Variants in ADAR observed in about 807,000 individuals in gnomAD.
ADAR encodes the protein adenosine deaminase RNA specific, also known as double-stranded RNA-specific adenosine deaminase.
In ADAR, 41 loss-of-function variants were observed where a neutral mutation model predicts 113.2. The observed-to-expected ratio is 0.36, with a 90% confidence interval of 0.28 to 0.47. ADAR has a LOEUF of 0.47. Ranked by LOEUF, ADAR falls within the 20% of genes least tolerant of loss-of-function variation. The probability of loss-of-function intolerance (pLI) is 1.00; values close to 1 mark genes in which losing one functional copy is unlikely to be tolerated. For missense variants in ADAR, 1,242 were observed against 1,540.9 expected, an observed-to-expected ratio of 0.81 and a Z score of 3.25; for synonymous variants, 605 against 572.6, an observed-to-expected ratio of 1.06 and a Z score of -0.81.
At chr1:154,606,047 C>G in intron 1 of ADAR, 1 of 716,404 alleles carries the variant, frequency 1.4e-6, no homozygotes, top group Non-Finnish European at 1.7e-6. Context: ...GCTCTGTTGC[C>G]AAGCTGGAGT....
intron 6 of ADAR, among the ~76,000 whole-genome samples, chr1:154,592,278 T>G (rs1486357168): frequency 6.6e-6 from 1 of 152,174 alleles, no homozygotes; most frequent in African/African-American, 2.4e-5. Flanking sequence ...GGGGAAGCCC[T>G]TCCCCCTCTC....
rs568976894 is a variant in ADAR, at chr1:154,619,024, C to T, written c.-871+8831G>A. Reference sequence around the variant, plus strand: ...ACTAGTGGGGCAGAGGCAGGAGGATCGCTTGAACCTGGGAAGCAGAGGTTG... The same window carrying T: ...ACTAGTGGGGCAGAGGCAGGAGGATTGCTTGAACCTGGGAAGCAGAGGTTG... On this transcript the variant is annotated intron_variant, in intron 1 of 14. Coordinates refer to the ADAR transcript ENST00000368471. Among the ~76,000 whole-genome samples, 11 of 152,204 alleles carry T rather than the reference C, an allele frequency of 7.2e-5. No individual in the cohort carries two copies. The South Asian group carries it at 1.5e-3, about 20-fold the overall frequency.
chr1:154,606,411 A>G (rs1055561223), intron 1 of ADAR, among the ~76,000 whole-genome samples: 3 of 152,248 alleles, frequency 2.0e-5, no homozygotes, highest in African/African-American at 2.4e-5. Context: ...AATGTTCAAT[A>G]AAACAACAAA....
At chr1:154,624,294 G>A (rs762294648) in intron 1 of ADAR, among the ~76,000 whole-genome samples, 27 of 152,196 alleles carry the variant, frequency 1.8e-4, no homozygotes, top group Non-Finnish European at 2.9e-4. Context: ...GTGGCAAGGG[G>A]TGGTACAGAA....
chr1:154,598,591 C>T lies in ADAR; in HGVS notation c.1602-6G>A, dbSNP rs773500380. ...TGACAACCTGGAATTTAAATCTTGA[C>T]GGAAAGTGATTAGATGTGTGAACAG... On this transcript the variant is annotated splice_polypyrimidine_tract_variant and splice_region_variant and intron_variant, in intron 2 of 14. Coordinates refer to ENST00000368474, the MANE Select transcript of ADAR (RefSeq NM_001111.5). 14 of 1,613,950 alleles carry T rather than the reference C, an allele frequency of 8.7e-6. No individual in the cohort carries two copies. Among genetic ancestry groups the T allele is most frequent in the African/African-American group, 4.0e-5 (3 of 74,900 alleles).
chr1:154,597,731 T>C (rs1697595256), intron 4 of ADAR, 97 bp downstream of exon 4: 2 of 1,519,424 alleles, frequency 1.3e-6, no homozygotes, highest in South Asian at 1.1e-5. Flanking sequence ...ACAGGAGAAA[T>C]TGGTCAATCT....
At chr1:154,605,886 A>G (rs1379293277) in intron 1 of ADAR, 5 of 716,694 alleles carry the variant, frequency 7.0e-6, no homozygotes, top group African/African-American at 1.9e-5. Context: ...GGCTAGAGTC[A>G]GTTAAAAGCT....
At chr1:154,607,655 T>C (rs1242195819) in intron 1 of ADAR, among the ~76,000 whole-genome samples, 1 of 152,130 alleles carries the variant, frequency 6.6e-6, no homozygotes, top group Non-Finnish European at 1.5e-5. Flanking sequence ...ACTGCTCCAT[T>C]CTGCAGAATT....
At chr1:154,593,871 C>T (rs1348388225) in intron 6 of ADAR, among the ~76,000 whole-genome samples, 1 of 151,858 alleles carries the variant, frequency 6.6e-6, no homozygotes, top group Non-Finnish European at 1.5e-5. Flanking sequence ...AATGAAATGC[C>T]ATTACTTCTG....
At chr1:154,613,267 A>G (rs1286678499) in intron 1 of ADAR, among the ~76,000 whole-genome samples, 1 of 144,700 alleles carries the variant, frequency 6.9e-6, no homozygotes, top group East Asian at 2.1e-4. Flanking sequence ...ATTGATGTTA[A>G]TGATCACAAA....
chr1:154,598,623 A>C, intron 2 of ADAR, 38 bp from the exon 3 acceptor site: 1 of 1,602,566 alleles, frequency 6.2e-7, no homozygotes, highest in Non-Finnish European at 8.6e-7. Flanking sequence ...ACAGGAGTCT[A>C]GGTCACTCCT....
chr1:154,613,281 C>CTTTT (rs56126079), intron 1 of ADAR, among the ~76,000 whole-genome samples: 9 of 84,660 alleles, frequency 1.1e-4, no homozygotes, highest in Non-Finnish European at 1.5e-4. Flanking sequence ...TCACAAATGG[C>CTTTT]TTTTTTTTTT....
At chr1:154,621,134 G>T (rs1698781456) in intron 1 of ADAR, among the ~76,000 whole-genome samples, 1 of 152,122 alleles carries the variant, frequency 6.6e-6, no homozygotes, top group South Asian at 2.1e-4. Flanking sequence ...AAAAATATAA[G>T]TACAGTAATA....
chr1:154,593,265 C>G (rs1231575048), intron 6 of ADAR, among the ~76,000 whole-genome samples: 2 of 151,826 alleles, frequency 1.3e-5, no homozygotes, highest in Middle Eastern at 3.2e-3. Context: ...TATTATTGTA[C>G]GAGATAGTTA....
chr1:154,599,628 T>C (rs564210079), intron 2 of ADAR, among the ~76,000 whole-genome samples: 1 of 152,194 alleles, frequency 6.6e-6, no homozygotes, highest in Non-Finnish European at 1.5e-5. Context: ...TAGGTAAACA[T>C]AAAGGTCAGT....
intron 1 of ADAR, among the ~76,000 whole-genome samples, chr1:154,623,864 G>A (rs181579763): frequency 2.6e-4 from 40 of 152,150 alleles, no homozygotes; most frequent in Non-Finnish European, 5.0e-4. Context: ...TTAGCCGGGG[G>A]TAGTGACGGG....
intron 11 of ADAR, 108 bp from the exon 12 acceptor site, chr1:154,586,471 C>T: frequency 8.5e-7 from 1 of 1,172,386 alleles, no homozygotes; most frequent in South Asian, 1.3e-5. Flanking sequence ...TTCATTCATT[C>T]TTCACATATT....
intron 1 of ADAR, among the ~76,000 whole-genome samples, chr1:154,622,338 T>C (rs1285532552): frequency 1.3e-5 from 2 of 152,206 alleles, no homozygotes; most frequent in Non-Finnish European, 2.9e-5. Context: ...GAGGGCAAGA[T>C]GGACTAGATG....
intron 1 of ADAR, among the ~76,000 whole-genome samples, chr1:154,618,694 G>T (rs1384324940): frequency 6.6e-6 from 1 of 152,028 alleles, no homozygotes; most frequent in South Asian, 2.1e-4. Context: ...TCAACAGATG[G>T]AGCTGGGCCA....
Sources: allele counts gnomAD v4.1 joint callset (sites outside exome capture counted in the v4.1 genomes callset), GRCh38; gene constraint gnomAD v4.1.1; transcripts MANE v1.5; gene names NCBI Gene and HGNC (gene_info 2026-07-23, HGNC 2026-07-21).